The following MEIOB variants were observed in gnomAD, a reference collection of about 807,000 sequenced individuals.
MEIOB encodes the protein meiosis-specific with OB domain-containing protein.
In MEIOB, 50 loss-of-function variants were observed where a neutral mutation model predicts 53.1. The ratio of observed to expected loss-of-function variants is 0.94; its 90% confidence interval spans 0.75 to 1.19. The LOEUF (loss-of-function observed/expected upper bound fraction) is 1.19, where lower values mean the gene tolerates loss of function less well. Ranked by LOEUF, MEIOB falls within the 50% of genes most tolerant of loss-of-function variation. The pLI, the probability that MEIOB is intolerant of heterozygous loss-of-function variation, is 0.00. For synonymous variants in MEIOB, 192 were observed against 182.5 expected (o/e 1.05, Z -0.42); for missense variants, 551 against 550.8 (o/e 1.00, Z 0.00).
chr16:1,859,579 C>A (rs1394699768), intron 5 of MEIOB, among the ~76,000 whole-genome samples: 1 of 152,110 alleles, frequency 6.6e-6, no homozygotes, highest in South Asian at 2.1e-4. Context: ...GAAATACAAA[C>A]GTTCTTAGTG....
intron 11 of MEIOB, among the ~76,000 whole-genome samples, chr16:1,840,372 G>T (rs62038423): frequency 6.6e-6 from 1 of 151,878 alleles, no homozygotes; most frequent in African/African-American, 2.4e-5. Context: ...ACTTACAAGT[G>T]TGATAAAACT....
In MEIOB at chr16:1,860,409, G is replaced by A. The variant is rs976073362; in HGVS notation, c.326C>T (p.Thr109Ile). ...GTGCTAGACAGATGCTTACCTAGGA[G>A]TTGCAGGGCTGAATTTTTCTTCTCT... ...IEREEKFSPA[T>I]PSNCKLLLSE... is the part of the protein sequence containing the mutation. Residue 109 changes from threonine (T) to isoleucine (I), a missense_variant, in exon 5 of 14, where the codon ACT (threonine) becomes ATT (isoleucine). Transcript: ENST00000325962. 15 of 1,527,188 alleles carry A rather than the reference G, an allele frequency of 9.8e-6. No individual in the cohort carries two copies. The highest frequency in any genetic ancestry group is 1.3e-5 in the Non-Finnish European group (15 of 1,125,194). 94.6% of individuals were successfully genotyped at this position (1,527,188 alleles called of 1,614,324 possible).
At chr16:1,862,220 ATGAT>A in intron 3 of MEIOB, 104 bp from the exon 4 acceptor site, 1 of 857,574 alleles carries the variant, frequency 1.2e-6, no homozygotes, top group Non-Finnish European at 1.8e-6. Flanking sequence ...TTATAAACAA[ATGAT>A]TATTTGTTTA....
At position 1,862,015 on chromosome 16, in the gene MEIOB, G is replaced by A. The variant is rs767005366; in HGVS notation, c.229C>T (p.Leu77Phe). The stretch of plus-strand genomic sequence containing the variant: ...TCACCAACCCTAAAGCTGTCAGAAA[G>A]AGACTTGATGTAATCTTCATTGCCC... ...SWGNEDYIKS[L>F]SDSFRVGDCV... The change falls in exon 4 of 14, where the codon CTT (leucine) becomes TTT (phenylalanine). Residue 77 changes from leucine (L) to phenylalanine (F), a missense_variant. Physicochemically the swap from Leu to Phe is conservative, Grantham distance 22. Transcript: ENST00000325962. 5.2e-6 allele frequency: 8 copies of A among 1,551,440 alleles called. No individual in the cohort carries two copies. The South Asian group carries it at 9.5e-5, about 18-fold the overall frequency.
At chr16:1,863,909 C>T (rs1417429684) in intron 3 of MEIOB, among the ~76,000 whole-genome samples, 2 of 152,096 alleles carry the variant, frequency 1.3e-5, no homozygotes, top group Non-Finnish European at 2.9e-5. Context: ...CCTATAATCC[C>T]GGCACCTTGG....
At position 1,865,835 on chromosome 16, in the gene MEIOB, T is replaced by C. The variant is rs945704123; in HGVS notation, c.70A>G (p.Lys24Glu). The change falls in exon 3 of 14, where the codon AAA becomes GAA. Residue 24 changes from lysine (K) to glutamate (E), a missense_variant and splice_region_variant. Lys to Glu is a moderately conservative substitution (Grantham distance 56). Transcript: ENST00000325962. ...SDLQTNMANLKVIGIVIGKTD... is the reference protein window; with the variant it reads ...SDLQTNMANLEVIGIVIGKTD... ...TTCCCAATAACTATACCGATAACTTTCTGAAAAACAAAAAGGTCACAGAAG... is the reference window on the plus strand; with the variant it reads ...TTCCCAATAACTATACCGATAACTTCCTGAAAAACAAAAAGGTCACAGAAG... The C allele has an allele frequency of 4.5e-6, 7 of 1,543,046 alleles. No individual in the cohort carries two copies. The African/African-American group carries it at 5.5e-5, about 12-fold the overall frequency.
chr16:1,845,801 G>A (rs1006240108), intron 9 of MEIOB, among the ~76,000 whole-genome samples: 5 of 152,152 alleles, frequency 3.3e-5, no homozygotes, highest in African/African-American at 7.2e-5. Flanking sequence ...GCAGGAACGC[G>A]AGTTTGGAAA....
chr16:1,845,141 C>T (rs145903761), intron 9 of MEIOB, among the ~76,000 whole-genome samples, 178 bp from the exon 10 acceptor site: 46 of 152,306 alleles, frequency 3.0e-4, no homozygotes, highest in African/African-American at 1.1e-3. Flanking sequence ...GAGAGATGTA[C>T]ACCACATTAC....
intron 12 of MEIOB, among the ~76,000 whole-genome samples, chr16:1,838,765 C>T (rs1898816836): frequency 6.6e-6 from 1 of 152,060 alleles, no homozygotes; most frequent in Non-Finnish European, 1.5e-5. Flanking sequence ...GATCTTGGCT[C>T]ACTGCAACTT....
Position 1,837,876 on chromosome 16 carries a change from T to TAA in MEIOB, c.1219-8_1219-7dup. The TAA allele has an allele frequency of 8.2e-6, 11 of 1,346,390 alleles. No homozygotes were observed. Among genetic ancestry groups the TAA allele is most frequent in the South Asian group, 4.5e-5 (3 of 66,982 alleles). The allele number at this position is 1,346,390 out of a possible 1,614,324, so 83.4% of individuals were successfully genotyped here. On this transcript the variant is annotated splice_region_variant and splice_polypyrimidine_tract_variant and intron_variant, in intron 12 of 13. Transcript: ENST00000325962. The stretch of plus-strand genomic sequence containing the variant: ...ATTGCAAGAAACTCATGTACCTGGT[T>TAA]AAAAAAAAAATATGAGACAAATATA...
intron 9 of MEIOB, among the ~76,000 whole-genome samples, chr16:1,845,530 T>A (rs919541578): frequency 6.6e-6 from 1 of 151,728 alleles, no homozygotes; most frequent in Admixed American, 6.6e-5. Context: ...AAAAAAAAAA[T>A]ACATATATAA....
chr16:1,855,762 G>A (rs2754186), intron 6 of MEIOB, among the ~76,000 whole-genome samples: 125,246 of 152,122 alleles, frequency 0.82, 51,702 homozygotes, highest in Middle Eastern at 0.9. Context: ...ATCATATAGC[G>A]GGCTTATTCC....
chr16:1,868,266 C>A, intron 1 of MEIOB, 82 bp from the exon 2 acceptor site: 1 of 781,408 alleles, frequency 1.3e-6, no homozygotes, highest in South Asian at 1.7e-5. Flanking sequence ...AGTTTAAAAT[C>A]TTATTTAGGG....
intron 9 of MEIOB, among the ~76,000 whole-genome samples, chr16:1,850,008 T>A (rs1289869119): frequency 6.6e-6 from 1 of 152,246 alleles, no homozygotes; most frequent in African/African-American, 2.4e-5. Flanking sequence ...ATAATAAATT[T>A]TAAAAATGTG....
chr16:1,853,355 A>C, intron 7 of MEIOB, 84 bp from the exon 8 acceptor site: 1 of 1,131,554 alleles, frequency 8.8e-7, no homozygotes, highest in Non-Finnish European at 1.3e-6. Context: ...CAATAAAAGA[A>C]AGCTTCAGTG....
At chr16:1,840,290 C>G (rs1898866325) in intron 11 of MEIOB, 2 of 152,130 alleles carry the variant, frequency 1.3e-5, no homozygotes, top group Admixed American at 1.3e-4. Context: ...CTTTTTTCAA[C>G]TTTAATACCA....
chr16:1,843,234 A>T (rs918056492), intron 10 of MEIOB, among the ~76,000 whole-genome samples: 31 of 151,574 alleles, frequency 2.0e-4, no homozygotes, highest in Non-Finnish European at 2.4e-4. Context: ...CGGAGCTTGC[A>T]GTGAGCCGAG....
At chr16:1,860,336 C>A in intron 5 of MEIOB, 67 bp downstream of exon 5, 1 of 865,354 alleles carries the variant, frequency 1.2e-6, no homozygotes, top group Non-Finnish European at 1.8e-6. Flanking sequence ...AAGATCTCTG[C>A]TAATCTGATA....
At chr16:1,856,759 C>CTTTT (rs3045430) in intron 6 of MEIOB, among the ~76,000 whole-genome samples, 8 of 84,216 alleles carry the variant, frequency 9.5e-5, no homozygotes, top group Non-Finnish European at 1.5e-4. Flanking sequence ...CACGCCAGGC[C>CTTTT]TTTTTTTTTT....
Sources: allele counts gnomAD v4.1 joint callset (sites outside exome capture counted in the v4.1 genomes callset), GRCh38; gene constraint gnomAD v4.1.1; transcripts MANE v1.5; gene names NCBI Gene and HGNC (gene_info 2026-07-23, HGNC 2026-07-21).